LYRM4: variants seen among roughly 807,000 people sequenced by gnomAD.
LYRM4 encodes LYR motif-containing protein 4.
LYRM4 carries 9 observed loss-of-function variants against 11.7 expected under a neutral mutation model. The ratio of observed to expected loss-of-function variants is 0.77; its 90% confidence interval spans 0.46 to 1.34. The LOEUF (loss-of-function observed/expected upper bound fraction) is 1.34. LYRM4 is among the 40% of genes most tolerant of loss of function. The probability of loss-of-function intolerance (pLI) is 0.00; values close to 1 mark genes in which losing one functional copy is unlikely to be tolerated. For synonymous variants in LYRM4, 42 were observed against 40.4 expected, an observed-to-expected ratio of 1.04 and a Z score of -0.15; for missense variants, 133 against 112.5, an observed-to-expected ratio of 1.18 and a Z score of -0.82.
the LYRM4 span, among the ~76,000 whole-genome samples, chr6:5,084,166 G>A: frequency 6.6e-6 from 1 of 152,234 alleles, no homozygotes; most frequent in Non-Finnish European, 1.5e-5. Flanking sequence ...ACGGGCCCCC[G>A]AGTGATGTCC....
chr6:5,149,775 T>C (rs938016837), intron 2 of LYRM4, among the ~76,000 whole-genome samples: 12 of 152,172 alleles, frequency 7.9e-5, no homozygotes, highest in African/African-American at 2.9e-4. Flanking sequence ...AAACATCAGA[T>C]ACACAATTCC....
At chr6:5,241,009 T>C (rs1763845381) in intron 1 of LYRM4, among the ~76,000 whole-genome samples, 1 of 152,244 alleles carries the variant, frequency 6.6e-6, no homozygotes, top group Non-Finnish European at 1.5e-5. Flanking sequence ...AATCCGGTGT[T>C]AAGCTGGCTC....
intron 1 of LYRM4, among the ~76,000 whole-genome samples, chr6:5,237,312 C>T (rs188528939): frequency 1.3e-5 from 2 of 151,994 alleles, no homozygotes; most frequent in East Asian, 1.9e-4. Flanking sequence ...TTGTGAACTG[C>T]GCATGCGAAG....
downstream of LYRM4, chr6:5,107,434 G>A (rs1762694945): frequency 6.6e-6 from 1 of 152,222 alleles, no homozygotes; most frequent in Admixed American, 6.5e-5. Context: ...TGCGTTAGTA[G>A]CGTGGTTGGA....
At chr6:5,128,615 ATTTGGAGAAGATGCTTCCCTCCTC>A (rs1300703751) in intron 2 of LYRM4, among the ~76,000 whole-genome samples, 1 of 152,196 alleles carries the variant, frequency 6.6e-6, no homozygotes, top group Non-Finnish European at 1.5e-5. Context: ...AAATACGTGC[ATTTGGAGAAGATGCTTCCCTCCTC>A]TTTTCCCTCC....
intron 2 of LYRM4, among the ~76,000 whole-genome samples, chr6:5,162,670 T>G (rs1030369127): frequency 2.0e-5 from 3 of 152,226 alleles, no homozygotes; most frequent in Non-Finnish European, 4.4e-5. Context: ...TATGTTTATA[T>G]GTCTATGGCA....
the LYRM4 span, among the ~76,000 whole-genome samples, chr6:5,060,911 A>G: frequency 6.6e-6 from 1 of 152,218 alleles, no homozygotes; most frequent in African/African-American, 2.4e-5. Flanking sequence ...TAGTTATACC[A>G]GTGGTATTTA....
chr6:5,056,542 A>G, the LYRM4 span, among the ~76,000 whole-genome samples: 1 of 152,206 alleles, frequency 6.6e-6, no homozygotes, highest in Non-Finnish European at 1.5e-5. Context: ...CATTTGGAAA[A>G]TATGGTTCAC....
Position 5,214,435 on chromosome 6 carries a change from C to T in LYRM4, c.207+2183G>A, listed in dbSNP as rs964149714. On this transcript the variant is annotated intron_variant, in intron 2 of 2. Transcript: ENST00000330636. ...CAATGGAGGGCCTCTGGGGACCTCACACTGGCTTCAGGTTTTATGTTAGGG... is the reference window on the plus strand; with the variant it reads ...CAATGGAGGGCCTCTGGGGACCTCATACTGGCTTCAGGTTTTATGTTAGGG... 2.9e-4 allele frequency among the ~76,000 whole-genome samples: 44 copies of T among 152,180 alleles called. 1 individual carries two copies. The highest frequency in any genetic ancestry group is 9.6e-5 in the African/African-American group (4 of 41,462).
chr6:5,181,956 C>G (rs1339995095), intron 2 of LYRM4, among the ~76,000 whole-genome samples: 1 of 152,204 alleles, frequency 6.6e-6, no homozygotes, highest in Admixed American at 6.5e-5. Context: ...CCTTCCTTCA[C>G]ATGGATCCCC....
chr6:5,086,344 G>C, the LYRM4 span: 1 of 1,535,942 alleles, frequency 6.5e-7, no homozygotes, highest in Non-Finnish European at 8.7e-7. Flanking sequence ...CTCCGAGCCA[G>C]GGTCCGGGGA....
the LYRM4 span, among the ~76,000 whole-genome samples, chr6:5,071,797 C>T: frequency 6.6e-6 from 1 of 152,064 alleles, no homozygotes; most frequent in Admixed American, 6.5e-5. Flanking sequence ...ACCACCACGC[C>T]CAGCTAATTT....
chr6:5,043,205 A>G, the LYRM4 span: 1 of 152,170 alleles, frequency 6.6e-6, no homozygotes, highest in Non-Finnish European at 1.5e-5. Context: ...ACTTGCCACC[A>G]TGACCTGAGA....
intron 2 of LYRM4, among the ~76,000 whole-genome samples, chr6:5,192,093 T>A (rs979258070): frequency 6.6e-6 from 1 of 152,168 alleles, no homozygotes; most frequent in African/African-American, 2.4e-5. Context: ...TATAGGACAA[T>A]GGAGGAAATC....
chr6:5,072,673 G>T, the LYRM4 span, among the ~76,000 whole-genome samples: 1 of 151,720 alleles, frequency 6.6e-6, no homozygotes, highest in African/African-American at 2.4e-5. Context: ...CTGCAGTGTG[G>T]TAGAACGCAG....
At chr6:5,258,862 T>C (rs1253870439) in intron 1 of LYRM4, among the ~76,000 whole-genome samples, 1 of 152,238 alleles carries the variant, frequency 6.6e-6, no homozygotes, top group Non-Finnish European at 1.5e-5. Context: ...AGGTAGAGTC[T>C]TGAATGATTT....
At chr6:5,163,620 AT>A (rs34561251) in intron 2 of LYRM4, among the ~76,000 whole-genome samples, 67,988 of 136,478 alleles carry the variant, frequency 0.5, 16,166 homozygotes, top group East Asian at 0.58. Flanking sequence ...GACTGCATTA[AT>A]TTTTTTTTTT....
At chr6:5,260,414 A>G (rs1332870221) in intron 1 of LYRM4, among the ~76,000 whole-genome samples, 3 of 152,232 alleles carry the variant, frequency 2.0e-5, no homozygotes, top group Admixed American at 6.5e-5. Context: ...TAGGGGGAAA[A>G]CGTCACAAGA....
chr6:5,162,016 C>T (rs962799168), intron 2 of LYRM4, among the ~76,000 whole-genome samples: 1 of 152,092 alleles, frequency 6.6e-6, no homozygotes, highest in Non-Finnish European at 1.5e-5. Context: ...TTACAACAAC[C>T]CCCAGAAAAA....
Sources: gnomAD v4.1 joint callset for allele counts (sites outside exome capture counted in the v4.1 genomes callset) on GRCh38, gnomAD v4.1.1 for gene constraint, MANE v1.5 for transcripts, NCBI Gene and HGNC (gene_info 2026-07-23, HGNC 2026-07-21) for gene names.